The following NLRC5 variants were observed in gnomAD, a reference collection of about 807,000 sequenced individuals.
NLRC5 encodes the protein NLR family CARD domain containing 5.
In NLRC5, 114 loss-of-function variants were observed where a neutral mutation model predicts 206.9. The observed-to-expected ratio is 0.55, with a 90% CI of 0.47 to 0.64. NLRC5 has a LOEUF of 0.64. Among genes scored for constraint, NLRC5 ranks in the 30% least tolerant of loss-of-function variants. The pLI is 0.00. For synonymous variants in NLRC5, 952 were observed against 962.8 expected (o/e 0.99, Z 0.21); for missense variants, 2,008 against 2,305.5 (o/e 0.87, Z 2.64).
At chr16:57,058,399 A>C (rs1363620802) in intron 28 of NLRC5, 2 of 522,226 alleles carry the variant, frequency 3.8e-6, no homozygotes, top group Admixed American at 3.4e-5. Flanking sequence ...AGGGTGACAC[A>C]CCCCTACAGC....
intron 1 of NLRC5, among the ~76,000 whole-genome samples, chr16:57,014,374 G>C (rs1285875562): frequency 6.6e-6 from 1 of 151,986 alleles, no homozygotes; most frequent in Non-Finnish European, 1.5e-5. Context: ...TGGTCACCTT[G>C]TTATATATTT....
At position 57,078,471 on chromosome 16, in the gene NLRC5, T is replaced by TTTTTTG. The variant is rs1376152392; in HGVS notation, c.5081+456_5081+457insGTTTTT. Among the ~76,000 whole-genome samples, 15 of 124,436 alleles carry TTTTTTG rather than the reference T, an allele frequency of 1.2e-4. No homozygotes were observed. The East Asian group carries it at 3.9e-3, about 32-fold the overall frequency. The allele number at this position is 124,436 out of a possible 152,430, so 81.6% of individuals were successfully genotyped here. ...TCCCAGAGTGCTGGGACCTTGTTTT[T>TTTTTTG]TTTTTTTTTTTTTTTTTTTAGATGG... On this transcript the variant is annotated intron_variant, in intron 43 of 48. Transcript: ENST00000688547.
In NLRC5 at chr16:57,028,229, T is replaced by C. The variant is rs2143004186; in HGVS notation, c.2160-73T>C. The C allele has an allele frequency of 2.5e-6, 4 of 1,576,538 alleles. No individual in the cohort carries two copies. The East Asian group carries it at 9.0e-5, about 35-fold the overall frequency. ...GTACTCTCCTCCCTCTCCTTAATCC[T>C]ACACAAGGCAGATTCCTGGCCCCGC... is the stretch of plus-strand genomic sequence containing the variant. On this transcript the variant is annotated intron_variant, in intron 7 of 48. Transcript: ENST00000688547.
intron 29 of NLRC5, 188 bp downstream of exon 29, chr16:57,059,249 G>C: frequency 6.8e-7 from 1 of 1,472,630 alleles, no homozygotes; most frequent in South Asian, 1.4e-5. Flanking sequence ...CCTGATGCCC[G>C]GGTGCCATGG....
intron 26 of NLRC5, 44 bp from the exon 27 acceptor site, chr16:57,055,389 G>A: frequency 1.3e-6 from 2 of 1,586,336 alleles, no homozygotes; most frequent in Non-Finnish European, 1.7e-6. Flanking sequence ...GGTCTCAGTG[G>A]CCAAACGCCC....
At chr16:57,031,515 G>C in intron 11 of NLRC5, 52 bp downstream of exon 11, 1 of 1,585,902 alleles carries the variant, frequency 6.3e-7, no homozygotes, top group African/African-American at 1.3e-5. Flanking sequence ...AGCAACTTGG[G>C]CTCAGGCAGT....
chr16:57,036,702 G>A (rs1472861893), intron 14 of NLRC5, among the ~76,000 whole-genome samples: 20 of 151,782 alleles, frequency 1.3e-4, no homozygotes, highest in African/African-American at 3.9e-4. Flanking sequence ...AGTGTGGGTC[G>A]GGTTTGGGGA....
At chr16:57,081,401 C>T (rs906687329) in intron 47 of NLRC5, 126 bp from the exon 48 acceptor site, 69 of 990,528 alleles carry the variant, frequency 7.0e-5, no homozygotes, top group Non-Finnish European at 9.1e-5. Context: ...CTTTTGGGTT[C>T]CCTGAGAAGG....
chr16:57,062,474 T>C (rs2066639172), intron 32 of NLRC5: 2 of 231,986 alleles, frequency 8.6e-6, no homozygotes, highest in Admixed American at 1.1e-4. Flanking sequence ...CACCACAGCT[T>C]TCTGTTTCAT....
intron 38 of NLRC5, 95 bp downstream of exon 38, chr16:57,070,713 G>T: frequency 2.9e-6 from 3 of 1,046,976 alleles, no homozygotes; most frequent in East Asian, 2.4e-5. Context: ...ATGGATGGTG[G>T]AAGTGGGTGA....
At position 57,059,004 on chromosome 16, in the gene NLRC5, C is replaced by T; in HGVS notation, c.3863C>T (p.Ala1288Val). ...CACAACAGCATTTCTCAGGAAAGTG[C>T]CCTGTACCTGCTGGAGACACTGCCC... ...LSHNSISQES[A>V]LYLLETLPSC... The change falls in exon 29 of 49, where the codon GCC becomes GTC. Residue 1288 changes from alanine to valine, a missense_variant. By Grantham distance (64) the Ala-to-Val change is moderately conservative. Coordinates refer to ENST00000688547, the MANE Select transcript of NLRC5 (RefSeq NM_001384950.1). 1 of 1,614,152 alleles carries T rather than the reference C, an allele frequency of 6.2e-7. No individual in the cohort carries two copies. Among genetic ancestry groups the T allele is most frequent in the Admixed American group, 1.7e-5 (1 of 60,032 alleles).
chr16:57,041,753 G>C (rs1285218763), intron 18 of NLRC5, among the ~76,000 whole-genome samples, 179 bp downstream of exon 18: 1 of 152,170 alleles, frequency 6.6e-6, no homozygotes, highest in African/African-American at 2.4e-5. Context: ...GATCCCCCAT[G>C]TCTGACACGC....
At position 57,059,457 on chromosome 16, in the gene NLRC5, C is replaced by T; in HGVS notation, c.3921-10C>T. ...GGGCACCGTGCTTCCCCAGGCCCTTCTCTCTGCAGCCTGGGCTCTGAGCAG... is the reference window on the plus strand; with the variant it reads ...GGGCACCGTGCTTCCCCAGGCCCTTTTCTCTGCAGCCTGGGCTCTGAGCAG... On this transcript the variant is annotated splice_polypyrimidine_tract_variant and intron_variant, in intron 29 of 48. Coordinates refer to ENST00000688547, the MANE Select transcript of NLRC5 (RefSeq NM_001384950.1). 1 of 1,603,868 alleles carries T rather than the reference C, an allele frequency of 6.2e-7. No homozygotes were observed. Among genetic ancestry groups the T allele is most frequent in the East Asian group, 2.2e-5 (1 of 44,630 alleles).
At chr16:57,067,240 C>A (rs1382548793) in intron 34 of NLRC5, 147 bp from the exon 35 acceptor site, 7 of 701,064 alleles carry the variant, frequency 1.0e-5, no homozygotes, top group Non-Finnish European at 1.8e-5. Flanking sequence ...TGCTTCCTAG[C>A]ACTTCTCATA....
chr16:57,038,242 G>A (rs765814297), intron 15 of NLRC5, among the ~76,000 whole-genome samples: 4 of 152,110 alleles, frequency 2.6e-5, no homozygotes, highest in Admixed American at 2.0e-4. Flanking sequence ...AGGGGTGACG[G>A]GGAGTTATTA....
chr16:57,079,107 T>TCCATCCA lies in NLRC5; in HGVS notation c.5139_5140insCCATCCA (p.Gly1714ProfsTer40). 1 of 1,614,154 alleles carries TCCATCCA rather than the reference T, an allele frequency of 6.2e-7. No homozygotes were observed. The highest frequency in any genetic ancestry group is 8.5e-7 in the Non-Finnish European group (1 of 1,180,026). On this transcript the variant is annotated frameshift_variant, in exon 44 of 49. Coordinates refer to ENST00000688547, the MANE Select transcript of NLRC5 (RefSeq NM_001384950.1). LOFTEE classifies it high-confidence loss of function. The stretch of plus-strand genomic sequence containing the variant: ...CCCTGAGCCTGGCCCAGGCCCTGGA[T>TCCATCCA]GGATCCCCCCATTTGGAAGAGATCA...
At chr16:57,070,444 G>A in intron 37 of NLRC5, 91 bp from the exon 38 acceptor site, 1 of 1,148,520 alleles carries the variant, frequency 8.7e-7, no homozygotes, top group Non-Finnish European at 1.3e-6. Context: ...GCCTCCCAGG[G>A]GACAGAGCAG....
chr16:57,063,299 A>G (rs941644448), intron 32 of NLRC5, among the ~76,000 whole-genome samples: 3 of 150,848 alleles, frequency 2.0e-5, no homozygotes, highest in African/African-American at 7.3e-5. Flanking sequence ...GTATTTTTGT[A>G]GAGACAGGGT....
At chr16:57,057,095 C>T (rs994404199) in intron 27 of NLRC5, among the ~76,000 whole-genome samples, 6 of 152,082 alleles carry the variant, frequency 3.9e-5, no homozygotes, top group East Asian at 1.9e-4. Context: ...TCAGATGTTC[C>T]GGGACACACT....
Sources: allele counts gnomAD v4.1 joint callset (sites outside exome capture counted in the v4.1 genomes callset), GRCh38; gene constraint gnomAD v4.1.1; transcripts MANE v1.5; gene names NCBI Gene and HGNC (gene_info 2026-07-23, HGNC 2026-07-21).